Variants in SUSD6 observed in about 807,000 individuals in gnomAD.
The protein encoded by SUSD6 is sushi domain containing 6.
In SUSD6, 16 loss-of-function variants were observed where a neutral mutation model predicts 28.4. That is an observed-to-expected ratio of 0.56 (90% CI 0.38 to 0.86). The LOEUF (loss-of-function observed/expected upper bound fraction) is 0.86, where lower values mean the gene tolerates loss of function less well. SUSD6 is among the 40% of genes least tolerant of loss of function. The pLI is 0.00. For missense variants in SUSD6, 341 were observed against 384.2 expected (o/e 0.89, Z 0.94); for synonymous variants, 147 against 159.6 (o/e 0.92, Z 0.59).
intron 1 of SUSD6, among the ~76,000 whole-genome samples, chr14:69,644,885 T>C (rs1885404552): frequency 6.6e-6 from 1 of 152,064 alleles, no homozygotes; most frequent in Non-Finnish European, 1.5e-5. Flanking sequence ...AACTAGAACA[T>C]ATAGACCTTG....
rs550573508 is a variant in SUSD6, at chr14:69,693,316, C to T, written c.122-10079C>T. On this transcript the variant is annotated intron_variant, in intron 2 of 5. Coordinates refer to ENST00000342745, the MANE Select transcript of SUSD6 (RefSeq NM_014734.4). ...GGGGTTCCCAGCCCCAGCTGGCAGC[C>T]TGTTTCCCTGGGTCCCTGAGCTGCA... Among the ~76,000 whole-genome samples the T allele has an allele frequency of 1.1e-4, 15 of 138,458 alleles. No homozygotes were observed. The South Asian group carries it at 3.5e-3, about 32-fold the overall frequency. The allele number at this position is 138,458 out of a possible 152,430, so 90.8% of individuals were successfully genotyped here.
intron 2 of SUSD6, among the ~76,000 whole-genome samples, chr14:69,695,182 T>A (rs1886207275): frequency 6.6e-6 from 1 of 152,206 alleles, no homozygotes; most frequent in African/African-American, 2.4e-5. Context: ...GCAGCCTGTT[T>A]TAGACTTGAC....
intron 2 of SUSD6, among the ~76,000 whole-genome samples, chr14:69,663,284 A>T (rs985683349): frequency 6.6e-6 from 1 of 152,226 alleles, no homozygotes; most frequent in Non-Finnish European, 1.5e-5. Flanking sequence ...TCCCCTTAAA[A>T]TGTTGCCATG....
intron 2 of SUSD6, among the ~76,000 whole-genome samples, chr14:69,681,548 G>T (rs928428756): frequency 1.3e-5 from 2 of 152,208 alleles, no homozygotes; most frequent in Admixed American, 1.3e-4. Context: ...CAGAGAAGGG[G>T]ACGGCCCCGT....
At chr14:69,672,421 T>C (rs1273910726) in intron 2 of SUSD6, among the ~76,000 whole-genome samples, 2 of 152,226 alleles carry the variant, frequency 1.3e-5, no homozygotes, top group African/African-American at 2.4e-5. Context: ...CCAGAGTTCC[T>C]GCTGGAAATG....
chr14:69,688,952 A>G (rs988963647), intron 2 of SUSD6, among the ~76,000 whole-genome samples: 3 of 152,118 alleles, frequency 2.0e-5, no homozygotes, highest in African/African-American at 7.2e-5. Context: ...CACCAGCCTG[A>G]TTTTCTAAAT....
intron 1 of SUSD6, among the ~76,000 whole-genome samples, chr14:69,644,426 C>T (rs4899310): frequency 0.86 from 130,094 of 152,150 alleles, 57,185 homozygotes; most frequent in Non-Finnish European, 0.95. Flanking sequence ...CTGAGGCTGG[C>T]GGATCACGAG....
chr14:69,657,479 G>T lies in SUSD6; in HGVS notation c.-80-1034G>T, dbSNP rs572085556. ...CAAAAAAAAAACAAAATCAGATCTG[G>T]GTAGTATCCCTGGCAGAGTCCCAGG... On this transcript the variant is annotated intron_variant, in intron 1 of 5. Coordinates refer to ENST00000342745, the MANE Select transcript of SUSD6 (RefSeq NM_014734.4). Among the ~76,000 whole-genome samples the T allele has an allele frequency of 6.8e-4, 104 of 152,018 alleles. 2 individuals carry two copies. The highest frequency in any genetic ancestry group is 2.4e-3 in the African/African-American group (98 of 41,466).
chr14:69,678,347 A>C (rs1460299411), intron 2 of SUSD6, among the ~76,000 whole-genome samples: 1 of 148,698 alleles, frequency 6.7e-6, no homozygotes, highest in Non-Finnish European at 1.5e-5. Flanking sequence ...TAATTATATA[A>C]ATATATATTT....
intron 2 of SUSD6, among the ~76,000 whole-genome samples, chr14:69,681,071 G>A (rs745448205): frequency 4.6e-5 from 7 of 152,152 alleles, no homozygotes; most frequent in Admixed American, 2.0e-4. Flanking sequence ...TTGTGGTTAA[G>A]AGCTGATGTT....
At chr14:69,629,726 G>T (rs1038236583) in intron 1 of SUSD6, among the ~76,000 whole-genome samples, 1 of 152,216 alleles carries the variant, frequency 6.6e-6, no homozygotes, top group African/African-American at 2.4e-5. Context: ...TTGCCGTGAG[G>T]CTGGGGTTGC....
intron 1 of SUSD6, among the ~76,000 whole-genome samples, chr14:69,643,013 ACTCTTTCAGGTTT>A (rs368419905): frequency 1.1e-3 from 161 of 152,058 alleles, no homozygotes; most frequent in African/African-American, 3.6e-3. Context: ...ACATTGCTGA[ACTCTTTCAGGTTT>A]CTCTGCCCTA....
At chr14:69,687,283 G>A (rs994962879) in intron 2 of SUSD6, among the ~76,000 whole-genome samples, 21 of 152,144 alleles carry the variant, frequency 1.4e-4, no homozygotes, top group African/African-American at 4.8e-4. Flanking sequence ...CCTAATTTTT[G>A]TATTTCTAGT....
intron 1 of SUSD6, among the ~76,000 whole-genome samples, chr14:69,622,047 T>A (rs1885048418): frequency 2.6e-5 from 4 of 152,228 alleles, no homozygotes; most frequent in Non-Finnish European, 4.4e-5. Flanking sequence ...ATTGATCAAG[T>A]ATTTATCAGA....
chr14:69,676,935 G>A (rs1885918815), intron 2 of SUSD6, among the ~76,000 whole-genome samples: 1 of 152,244 alleles, frequency 6.6e-6, no homozygotes, highest in Non-Finnish European at 1.5e-5. Context: ...TATGGTGAAG[G>A]TGGTGAGGTG....
chr14:69,639,525 G>A (rs1885318159), intron 1 of SUSD6, among the ~76,000 whole-genome samples: 1 of 152,114 alleles, frequency 6.6e-6, no homozygotes, highest in South Asian at 2.1e-4. Flanking sequence ...CCTCTCTGAG[G>A]GAGTGTAAAC....
At chr14:69,692,186 T>A (rs1198491309) in intron 2 of SUSD6, among the ~76,000 whole-genome samples, 1 of 152,228 alleles carries the variant, frequency 6.6e-6, no homozygotes, top group Non-Finnish European at 1.5e-5. Flanking sequence ...TCCTGCCTTT[T>A]CCCTCCACTT....
chr14:69,615,607 G>C (rs959450869), intron 1 of SUSD6: 3 of 152,180 alleles, frequency 2.0e-5, no homozygotes, highest in African/African-American at 7.2e-5. Flanking sequence ...CTCCACTGGT[G>C]GACCTTGCAG....
chr14:69,654,197 A>G (rs1483991909), intron 1 of SUSD6, among the ~76,000 whole-genome samples: 1 of 152,160 alleles, frequency 6.6e-6, no homozygotes, highest in African/African-American at 2.4e-5. Context: ...GAACTCATAC[A>G]TGTACATCTT....
Sources: allele counts gnomAD v4.1 joint callset (sites outside exome capture counted in the v4.1 genomes callset), GRCh38; gene constraint gnomAD v4.1.1; transcripts MANE v1.5; gene names NCBI Gene and HGNC (gene_info 2026-07-23, HGNC 2026-07-21).